Variants in ATE1 observed in about 807,000 individuals in gnomAD.
ATE1 encodes arginyl-tRNA--protein transferase 1.
In ATE1, 36 loss-of-function variants were observed where a neutral mutation model predicts 70.5. The observed-to-expected ratio is 0.51, with a 90% confidence interval of 0.39 to 0.67. The LOEUF (loss-of-function observed/expected upper bound fraction) is 0.67, where lower values mean the gene tolerates loss of function less well. Ranked by LOEUF, ATE1 falls within the 30% of genes least tolerant of loss-of-function variation. ATE1 has a pLI of 0.00. For synonymous variants in ATE1, 232 were observed against 219.3 expected (o/e 1.06, Z -0.51); for missense variants, 593 against 629.5 (o/e 0.94, Z 0.62).
intron 11 of ATE1, among the ~76,000 whole-genome samples, chr10:121,784,126 G>A (rs1946110647): frequency 6.6e-6 from 1 of 152,216 alleles, no homozygotes; most frequent in African/African-American, 2.4e-5. Flanking sequence ...TTACTTAGTT[G>A]CTAAATGGAA....
At chr10:121,880,785 C>T (rs554607606) in intron 7 of ATE1, among the ~76,000 whole-genome samples, 10 of 152,090 alleles carry the variant, frequency 6.6e-5, no homozygotes, top group Middle Eastern at 3.4e-3. Flanking sequence ...TAATGAATGA[C>T]CATAGTGAAA....
chr10:121,899,003 T>C (rs1407403025), intron 7 of ATE1: 1 of 1,608,472 alleles, frequency 6.2e-7, no homozygotes, highest in South Asian at 1.1e-5. Context: ...CAAATGCTAT[T>C]GAAACATCTC....
chr10:121,923,028 C>T (rs549840273), intron 2 of ATE1, among the ~76,000 whole-genome samples: 2 of 152,290 alleles, frequency 1.3e-5, no homozygotes, highest in African/African-American at 4.8e-5. Context: ...TCCTCATCAT[C>T]GCACATCTGG....
intron 2 of ATE1, among the ~76,000 whole-genome samples, 181 bp from the exon 3 acceptor site, chr10:121,922,592 C>G (rs984917934): frequency 6.6e-6 from 1 of 152,042 alleles, no homozygotes; most frequent in Non-Finnish European, 1.5e-5. Context: ...AGTTTAGAAC[C>G]CTGCCTTTTA....
rs369007088 is a variant in ATE1 at position 121,875,015 on chromosome 10, C to CGGGGGCGGGCGCCT, written c.943-4978_943-4977insAGGCGCCCGCCCCC. The stretch of plus-strand genomic sequence containing the variant: ...AAAAAATACAAAAATTAGCCGGGCA[C>CGGGGGCGGGCGCCT]GTAGTCCCAGCTACTCAGGAGGCTG... On this transcript the variant is annotated intron_variant, in intron 7 of 11. Transcript: ENST00000224652. 6.1e-5 allele frequency among the ~76,000 whole-genome samples: 9 copies of CGGGGGCGGGCGCCT among 146,350 alleles called. No homozygotes were observed. The East Asian group carries it at 1.7e-3, about 27-fold the overall frequency.
intron 4 of ATE1, among the ~76,000 whole-genome samples, chr10:121,913,536 G>T (rs1429593167): frequency 6.6e-6 from 1 of 152,162 alleles, no homozygotes; most frequent in Non-Finnish European, 1.5e-5. Context: ...CAGATATTTT[G>T]ATAAACTCCA....
intron 10 of ATE1, among the ~76,000 whole-genome samples, chr10:121,802,465 C>T (rs1010374373): frequency 9.9e-5 from 15 of 151,932 alleles, no homozygotes; most frequent in Admixed American, 2.0e-4. Flanking sequence ...CCCACCACCA[C>T]GTCTGGCTAA....
chr10:121,874,888 C>G (rs1171938982), intron 7 of ATE1, among the ~76,000 whole-genome samples: 2 of 151,808 alleles, frequency 1.3e-5, no homozygotes, highest in Non-Finnish European at 2.9e-5. Flanking sequence ...CGCCTGTAAT[C>G]CTAGCACTTT....
At chr10:121,848,567 A>T (rs1948929145) in intron 8 of ATE1, among the ~76,000 whole-genome samples, 1 of 151,274 alleles carries the variant, frequency 6.6e-6, no homozygotes, top group African/African-American at 2.4e-5. Context: ...GCAGTGGGCC[A>T]AGATCACACC....
chr10:121,880,230 T>C (rs1950184410), intron 7 of ATE1, among the ~76,000 whole-genome samples: 1 of 152,192 alleles, frequency 6.6e-6, no homozygotes, highest in South Asian at 2.1e-4. Context: ...GACCAACTAA[T>C]GTAAAGCAAG....
chr10:121,843,480 C>A (rs983597715), intron 8 of ATE1, among the ~76,000 whole-genome samples: 1 of 151,942 alleles, frequency 6.6e-6, no homozygotes, highest in African/African-American at 2.4e-5. Context: ...ACTAGCGAAC[C>A]CAATACTGTG....
rs568349962 is a variant in ATE1, at chr10:121,798,693, A to G, written c.1258-8404T>C. Among the ~76,000 whole-genome samples, 68 of 152,272 alleles carry G rather than the reference A, an allele frequency of 4.5e-4. 1 individual carries two copies. In the South Asian group the frequency reaches 0.014, roughly 32 times the overall value. On this transcript the variant is annotated intron_variant, in intron 10 of 11. Coordinates refer to ENST00000224652, the MANE Select transcript of ATE1 (RefSeq NM_001001976.3). ...AATGGGTGGATTACTTGAGGTCAGG[A>G]ATTCGAGATCAGCCTGACCAACATG...
intron 8 of ATE1, among the ~76,000 whole-genome samples, chr10:121,866,154 G>A (rs1949656163): frequency 6.6e-6 from 1 of 152,200 alleles, no homozygotes; most frequent in African/African-American, 2.4e-5. Context: ...TGGTTTGGCT[G>A]TCAGGAGCTA....
chr10:121,824,442 G>A (rs1160284558), intron 10 of ATE1, among the ~76,000 whole-genome samples: 1 of 152,150 alleles, frequency 6.6e-6, no homozygotes, highest in Admixed American at 6.5e-5. Flanking sequence ...TTTTGCAGAC[G>A]CAGCTCTGTT....
intron 10 of ATE1, among the ~76,000 whole-genome samples, chr10:121,809,571 G>A (rs1362967922): frequency 2.6e-5 from 4 of 152,100 alleles, no homozygotes; most frequent in South Asian, 2.1e-4. Flanking sequence ...CTACTGGTAT[G>A]TTTCCATGCC....
At chr10:121,862,154 C>T (rs1028587637) in intron 8 of ATE1, among the ~76,000 whole-genome samples, 5 of 152,154 alleles carry the variant, frequency 3.3e-5, no homozygotes, top group Non-Finnish European at 5.9e-5. Flanking sequence ...ATTTGATTTT[C>T]GGTGTTCTCT....
At chr10:121,787,729 G>A (rs975914315) in intron 11 of ATE1, among the ~76,000 whole-genome samples, 4 of 152,158 alleles carry the variant, frequency 2.6e-5, no homozygotes, top group Non-Finnish European at 4.4e-5. Context: ...GTATGTTCTT[G>A]ACAAAAATGG....
chr10:121,920,149 T>C (rs893060674), intron 3 of ATE1, among the ~76,000 whole-genome samples: 4 of 152,040 alleles, frequency 2.6e-5, no homozygotes, highest in African/African-American at 9.7e-5. Context: ...TGGGGGCAAA[T>C]ACATGCTTCA....
intron 8 of ATE1, among the ~76,000 whole-genome samples, chr10:121,853,528 AG>A (rs1949135484): frequency 6.6e-6 from 1 of 152,188 alleles, no homozygotes. Flanking sequence ...ATGCTCAACC[AG>A]TAAGTATAAT....
Sources: allele counts gnomAD v4.1 joint callset (sites outside exome capture counted in the v4.1 genomes callset), GRCh38; gene constraint gnomAD v4.1.1; transcripts MANE v1.5; gene names NCBI Gene and HGNC (gene_info 2026-07-23, HGNC 2026-07-21).